Variants in NCALD observed in about 807,000 individuals in gnomAD.
NCALD encodes the protein neurocalcin-delta.
Under a neutral mutation model 18.6 loss-of-function variants are expected in NCALD, and 10 were observed. That is an observed-to-expected ratio of 0.54 (90% CI 0.33 to 0.91). The LOEUF is 0.91. Ranked by LOEUF, NCALD falls within the 40% of genes least tolerant of loss-of-function variation. The probability of loss-of-function intolerance (pLI) is 0.03; values close to 1 mark genes in which losing one functional copy is unlikely to be tolerated. For missense variants in NCALD, 184 were observed against 247.6 expected (o/e 0.74, Z 1.72); for synonymous variants, 88 against 87.4 (o/e 1.01, Z -0.04).
intron 1 of NCALD, among the ~76,000 whole-genome samples, chr8:102,109,187 C>A (rs1825567811): frequency 6.6e-6 from 1 of 152,034 alleles, no homozygotes; most frequent in African/African-American, 2.4e-5. Flanking sequence ...AAATTCTTCC[C>A]TCCCTTAGAA....
intron 1 of NCALD, among the ~76,000 whole-genome samples, chr8:102,030,963 A>G (rs1822649327): frequency 6.6e-6 from 1 of 152,128 alleles, no homozygotes; most frequent in African/African-American, 2.4e-5. Context: ...ATGATAAAAA[A>G]AAAAAGTCAA....
chr8:101,696,110 T>G (rs958348403), intron 2 of NCALD, among the ~76,000 whole-genome samples: 3 of 152,156 alleles, frequency 2.0e-5, no homozygotes, highest in African/African-American at 7.2e-5. Flanking sequence ...TTGCAGACGA[T>G]CTCAGAGGTT....
chr8:102,006,941 G>A lies in NCALD; in HGVS notation c.-157+13296C>T, dbSNP rs564264015. On this transcript the variant is annotated intron_variant, in intron 2 of 6. Transcript: ENST00000311028. Reference sequence around the variant, plus strand: ...CTTGGGATGAAGAGCACAAGGCACCGCTCAGGCCAGGGAAGTCCCTTATCA... The same window carrying A: ...CTTGGGATGAAGAGCACAAGGCACCACTCAGGCCAGGGAAGTCCCTTATCA... Among the ~76,000 whole-genome samples, 31 of 152,280 alleles carry A rather than the reference G, an allele frequency of 2.0e-4. No homozygotes were observed. In the South Asian group the frequency reaches 5.8e-3, roughly 29 times the overall value.
At chr8:101,717,817 C>A (rs1010643633) in intron 2 of NCALD, among the ~76,000 whole-genome samples, 8 of 152,118 alleles carry the variant, frequency 5.3e-5, no homozygotes, top group African/African-American at 1.9e-4. Context: ...TCTGTGAGAT[C>A]CTACAGTAAA....
chr8:101,905,049 A>G (rs1817564191), intron 3 of NCALD, among the ~76,000 whole-genome samples: 1 of 152,234 alleles, frequency 6.6e-6, no homozygotes, highest in South Asian at 2.1e-4. Flanking sequence ...TTTATATTGC[A>G]TGGAACATTC....
At chr8:102,050,679 C>T (rs1016393532) in intron 1 of NCALD, among the ~76,000 whole-genome samples, 10 of 145,910 alleles carry the variant, frequency 6.9e-5, no homozygotes, top group Non-Finnish European at 1.2e-4. Flanking sequence ...GTATATTCTA[C>T]CATTTATGTT....
chr8:101,907,121 C>A lies in NCALD; in HGVS notation c.-107+8688G>T, dbSNP rs73280901. On this transcript the variant is annotated intron_variant, in intron 3 of 6. Transcript: ENST00000311028. ...TGCATTTGATTTTTGAAAAACATTG[C>A]GCTAAGTGCTATTTATTTTGATTAT... 2.0e-5 allele frequency among the ~76,000 whole-genome samples: 3 copies of A among 152,096 alleles called. No individual in the cohort carries two copies. In the South Asian group the frequency reaches 6.2e-4, roughly 32 times the overall value.
intron 1 of NCALD, among the ~76,000 whole-genome samples, chr8:102,040,008 T>G (rs1822992892): frequency 6.6e-6 from 1 of 152,188 alleles, no homozygotes; most frequent in African/African-American, 2.4e-5. Context: ...AATAAACCAT[T>G]TTTCTTTACA....
At chr8:101,905,003 A>G (rs935084968) in intron 3 of NCALD, among the ~76,000 whole-genome samples, 1 of 152,226 alleles carries the variant, frequency 6.6e-6, no homozygotes, top group African/African-American at 2.4e-5. Flanking sequence ...AAAAAGACAG[A>G]AAGCCCAATT....
chr8:101,899,277 A>T (rs1817328458), intron 3 of NCALD, among the ~76,000 whole-genome samples: 1 of 151,946 alleles, frequency 6.6e-6, no homozygotes, highest in South Asian at 2.1e-4. Flanking sequence ...TAGTTCTAAG[A>T]GGTTTTTTCT....
chr8:101,901,290 C>T (rs1440456101), intron 3 of NCALD, among the ~76,000 whole-genome samples: 2 of 149,328 alleles, frequency 1.3e-5, no homozygotes, highest in African/African-American at 2.5e-5. Context: ...TTTAAAAATC[C>T]ATCATGTCAA....
intron 4 of NCALD, among the ~76,000 whole-genome samples, chr8:101,844,191 G>A (rs1148496): frequency 0.34 from 51,125 of 151,838 alleles, 10,354 homozygotes; most frequent in African/African-American, 0.56. Flanking sequence ...ATCCCACTAG[G>A]GTCCAAGTTA....
At chr8:101,729,946 T>A (rs1018183544) in intron 1 of NCALD, among the ~76,000 whole-genome samples, 1 of 152,190 alleles carries the variant, frequency 6.6e-6, no homozygotes, top group African/African-American at 2.4e-5. Context: ...GGAAATACCA[T>A]TTTTTGTTTT....
At chr8:101,787,638 A>C (rs1336498503) in intron 1 of NCALD, among the ~76,000 whole-genome samples, 1 of 152,220 alleles carries the variant, frequency 6.6e-6, no homozygotes, top group East Asian at 1.9e-4. Flanking sequence ...CATAAGTCAC[A>C]CTAAACAATA....
At chr8:101,728,249 C>T (rs1011901179) in intron 1 of NCALD, among the ~76,000 whole-genome samples, 1 of 152,152 alleles carries the variant, frequency 6.6e-6, no homozygotes, top group African/African-American at 2.4e-5. Flanking sequence ...TTTGTGTATT[C>T]GTGGAGGGAA....
chr8:101,903,282 C>T (rs867802081), intron 3 of NCALD, among the ~76,000 whole-genome samples: 28 of 151,730 alleles, frequency 1.8e-4, no homozygotes, highest in Middle Eastern at 6.8e-3. Flanking sequence ...CTGCAACCTC[C>T]GCCTCTCGGG....
At chr8:101,817,585 A>C (rs951651471) in intron 4 of NCALD, among the ~76,000 whole-genome samples, 7 of 151,824 alleles carry the variant, frequency 4.6e-5, no homozygotes, top group Admixed American at 2.0e-4. Flanking sequence ...CCAAAAAAAA[A>C]AGGAAAGAGA....
chr8:101,803,884 G>T (rs1449997166), intron 4 of NCALD, among the ~76,000 whole-genome samples: 5 of 152,196 alleles, frequency 3.3e-5, no homozygotes. Context: ...TGAGAGGATT[G>T]ATTCCAATTT....
At chr8:101,712,455 C>T (rs1937199684) in intron 2 of NCALD, among the ~76,000 whole-genome samples, 1 of 151,916 alleles carries the variant, frequency 6.6e-6, no homozygotes. Context: ...AATTAAAAGG[C>T]ACAGACTGGC....
Sources: allele counts gnomAD v4.1 joint callset (sites outside exome capture counted in the v4.1 genomes callset), GRCh38; gene constraint gnomAD v4.1.1; transcripts MANE v1.5; gene names NCBI Gene and HGNC (gene_info 2026-07-23, HGNC 2026-07-21).